BLTP1: variants seen among roughly 807,000 people sequenced by gnomAD.
BLTP1 encodes the protein bridge-like lipid transfer protein family member 1.
chr4:122,276,166 AAG>A, the BLTP1 span: 8 of 649,410 alleles, frequency 1.2e-5, no homozygotes, highest in African/African-American at 1.5e-4. Context: ...TAATAGATTA[AAG>A]CTTACTGGTA....
At chr4:122,298,988 A>G in the BLTP1 span, 3 of 985,410 alleles carry the variant, frequency 3.0e-6, no homozygotes, top group East Asian at 3.4e-4. Flanking sequence ...ATCACCAAGC[A>G]ACACAGGTGC....
At chr4:122,220,460 A>G in the BLTP1 span, 3 of 1,611,018 alleles carry the variant, frequency 1.9e-6, no homozygotes, top group East Asian at 2.2e-5. Flanking sequence ...TTTGTCAGTG[A>G]TAACTATCAG....
At chr4:122,330,243 C>T in the BLTP1 span, among the ~76,000 whole-genome samples, 2 of 151,770 alleles carry the variant, frequency 1.3e-5, no homozygotes, top group Non-Finnish European at 2.9e-5. Flanking sequence ...GATAAATACC[C>T]AGAAGTGGGA....
the BLTP1 span, chr4:122,359,654 C>T: frequency 6.2e-7 from 1 of 1,612,750 alleles, no homozygotes; most frequent in South Asian, 1.1e-5. Flanking sequence ...GAGAAGATAG[C>T]ATCACTTATA....
At chr4:122,351,819 A>G in the BLTP1 span, among the ~76,000 whole-genome samples, 1 of 152,196 alleles carries the variant, frequency 6.6e-6, no homozygotes, top group Non-Finnish European at 1.5e-5. Flanking sequence ...CAAAAAACAA[A>G]CATAAAGGCT....
At chr4:122,289,712 G>T in the BLTP1 span, 6 of 948,168 alleles carry the variant, frequency 6.3e-6, no homozygotes, top group Non-Finnish European at 7.5e-6. Flanking sequence ...AGTTCTTAAT[G>T]CTGAGTATTT....
At chr4:122,159,947 G>A in the BLTP1 span, among the ~76,000 whole-genome samples, 69 of 152,196 alleles carry the variant, frequency 4.5e-4, no homozygotes, top group Admixed American at 3.7e-3. Context: ...TAGAATCCTG[G>A]GACTGAAAAG....
chr4:122,277,647 C>T, the BLTP1 span: 5 of 961,828 alleles, frequency 5.2e-6, no homozygotes, highest in African/African-American at 3.5e-5. Flanking sequence ...TAGCCTTGCT[C>T]ATTATGAATC....
the BLTP1 span, chr4:122,301,389 C>A: frequency 1.3e-6 from 2 of 1,580,592 alleles, no homozygotes; most frequent in Non-Finnish European, 1.7e-6. Context: ...CCTAAACTTG[C>A]AGTTCAAGGT....
the BLTP1 span, chr4:122,179,937 C>T: frequency 1.0e-6 from 1 of 985,108 alleles, no homozygotes; most frequent in Non-Finnish European, 1.2e-6. Context: ...ATATCCCCAG[C>T]AGTGAGCATG....
the BLTP1 span, chr4:122,246,038 G>A: frequency 2.0e-5 from 24 of 1,184,168 alleles, no homozygotes; most frequent in Admixed American, 7.3e-5. Flanking sequence ...AAACTAGAAC[G>A]CAGCTGGCAC....
the BLTP1 span, chr4:122,258,893 C>A: frequency 8.5e-7 from 1 of 1,182,816 alleles, no homozygotes; most frequent in Non-Finnish European, 1.2e-6. Context: ...ACAGAGAAAA[C>A]CTAAAATTTT....
chr4:122,258,350 T>C, the BLTP1 span, among the ~76,000 whole-genome samples: 1 of 152,116 alleles, frequency 6.6e-6, no homozygotes, highest in Non-Finnish European at 1.5e-5. Context: ...TTATTACTTA[T>C]TTTAGAAAAT....
the BLTP1 span, chr4:122,316,462 G>C: frequency 2.0e-6 from 1 of 495,002 alleles, no homozygotes; most frequent in Non-Finnish European, 4.1e-6. Context: ...TGTTCCTGCA[G>C]AGTATCTGTG....
At chr4:122,324,310 C>A in the BLTP1 span, 1 of 1,040,796 alleles carries the variant, frequency 9.6e-7, no homozygotes, top group Non-Finnish European at 1.3e-6. Flanking sequence ...TGTTAAGTAA[C>A]ATTAAAGTCC....
chr4:122,331,659 AATT>A, the BLTP1 span: 1 of 1,436,874 alleles, frequency 7.0e-7, no homozygotes, highest in Non-Finnish European at 9.1e-7. Context: ...GTGTAAATGT[AATT>A]ATAGTTATAA....
the BLTP1 span, chr4:122,343,756 T>TAATA: frequency 1.4e-5 from 13 of 901,836 alleles, no homozygotes; most frequent in African/African-American, 2.0e-4. Context: ...CATATTTACG[T>TAATA]AATAAGTAGA....
the BLTP1 span, chr4:122,234,885 T>C: frequency 1.2e-6 from 2 of 1,613,964 alleles, no homozygotes; most frequent in East Asian, 4.5e-5. Context: ...CCTAGATTTC[T>C]TCAAACTTGA....
the BLTP1 span, among the ~76,000 whole-genome samples, chr4:122,282,265 A>T: frequency 1.3e-5 from 2 of 152,306 alleles, no homozygotes; most frequent in South Asian, 2.1e-4. Flanking sequence ...AATTATACAT[A>T]TACACATTTT....
Sources: allele counts gnomAD v4.1 joint callset (sites outside exome capture counted in the v4.1 genomes callset), GRCh38; gene constraint gnomAD v4.1.1; transcripts MANE v1.5; gene names NCBI Gene and HGNC (gene_info 2026-07-23, HGNC 2026-07-21).